The following CNIH3 variants were observed in gnomAD, a reference collection of about 807,000 sequenced individuals.
The protein encoded by CNIH3 is cornichon family AMPA receptor auxiliary protein 3, also known as protein cornichon homolog 3.
Under a neutral mutation model 24.1 loss-of-function variants are expected in CNIH3, and 14 were observed. That is an observed-to-expected ratio of 0.58 (90% CI 0.38 to 0.91). CNIH3 has a LOEUF of 0.91. Among genes scored for constraint, CNIH3 ranks in the 40% least tolerant of loss-of-function variants. CNIH3 has a pLI of 0.00. For missense variants in CNIH3, 178 were observed against 196.8 expected, an observed-to-expected ratio of 0.90 and a Z score of 0.57; for synonymous variants, 68 against 73.8, an observed-to-expected ratio of 0.92 and a Z score of 0.40.
At chr1:224,680,617 A>C (rs1686352587) in intron 1 of CNIH3, among the ~76,000 whole-genome samples, 1 of 152,242 alleles carries the variant, frequency 6.6e-6, no homozygotes, top group South Asian at 2.1e-4. Flanking sequence ...CCTGGAAGGA[A>C]AGGGGCTAAA....
chr1:224,495,201 G>T (rs915036917), intron 1 of CNIH3, among the ~76,000 whole-genome samples: 1 of 152,124 alleles, frequency 6.6e-6, no homozygotes, highest in Non-Finnish European at 1.5e-5. Context: ...CTCATGTAAG[G>T]ACTTGAGACT....
intron 1 of CNIH3, among the ~76,000 whole-genome samples, chr1:224,662,576 A>G (rs1200220593): frequency 1.3e-5 from 2 of 152,254 alleles, no homozygotes; most frequent in Admixed American, 1.3e-4. Context: ...CAACATGAAA[A>G]CATTTCTGTT....
At chr1:224,722,889 G>A (rs929491042) in intron 3 of CNIH3, among the ~76,000 whole-genome samples, 6 of 152,198 alleles carry the variant, frequency 3.9e-5, no homozygotes, top group Non-Finnish European at 7.3e-5. Context: ...TGTGAATTCC[G>A]ATGGAAGAAG....
At chr1:224,721,965 C>T (rs1250160923) in intron 3 of CNIH3, among the ~76,000 whole-genome samples, 2 of 152,172 alleles carry the variant, frequency 1.3e-5, no homozygotes, top group Non-Finnish European at 2.9e-5. Flanking sequence ...GGTGCTCTCC[C>T]ACGGGGTGGT....
rs377243916 is a variant in CNIH3, at chr1:224,561,612, C to T, written n.451-4587C>T. Among the ~76,000 whole-genome samples, 17 of 152,282 alleles carry T rather than the reference C, an allele frequency of 1.1e-4. No homozygotes were observed. In the East Asian group the frequency reaches 3.1e-3, roughly 28 times the overall value. Reference sequence around the variant, plus strand: ...CCTGGGCTTAGATACTACCCGTCAGCCAAACGAGACTTTCTTAGAACTGCA... The same window carrying T: ...CCTGGGCTTAGATACTACCCGTCAGTCAAACGAGACTTTCTTAGAACTGCA... On this transcript the variant is annotated intron_variant and non_coding_transcript_variant, in intron 3 of 5. Coordinates refer to the CNIH3 transcript ENST00000471578.
At chr1:224,671,109 ACT>A (rs1247380718) in intron 1 of CNIH3, among the ~76,000 whole-genome samples, 7 of 152,286 alleles carry the variant, frequency 4.6e-5, no homozygotes, top group African/African-American at 1.2e-4. Flanking sequence ...CTGCTGGCTG[ACT>A]CTGCAGAATT....
intron 1 of CNIH3, among the ~76,000 whole-genome samples, chr1:224,443,711 A>ATTTTTTT (rs56248229): frequency 0.11 from 16,556 of 148,248 alleles, 1,355 homozygotes; most frequent in Non-Finnish European, 0.17. Context: ...ATATATATAT[A>ATTTTTTT]TTTTTTTAGG....
At chr1:224,490,008 A>C (rs962312540) in intron 1 of CNIH3, among the ~76,000 whole-genome samples, 1 of 152,232 alleles carries the variant, frequency 6.6e-6, no homozygotes, top group Non-Finnish European at 1.5e-5. Flanking sequence ...AGATCATAGC[A>C]ATAGGTATGT....
chr1:224,647,661 C>A (rs1225991101), intron 1 of CNIH3, among the ~76,000 whole-genome samples: 1 of 152,204 alleles, frequency 6.6e-6, no homozygotes, highest in Non-Finnish European at 1.5e-5. Flanking sequence ...TGTGTGTTAA[C>A]CCCACTTCTA....
At chr1:224,553,582 G>A (rs1407636736) in intron 3 of CNIH3, among the ~76,000 whole-genome samples, 1 of 152,038 alleles carries the variant, frequency 6.6e-6, no homozygotes, top group Non-Finnish European at 1.5e-5. Context: ...GGCTGTTAGT[G>A]CCCTCTGCTT....
At chr1:224,614,684 C>T (rs771758709), upstream of CNIH3, among the ~76,000 whole-genome samples, 20 of 151,756 alleles carry the variant, frequency 1.3e-4, no homozygotes, top group Non-Finnish European at 2.5e-4. Context: ...AGCGGTGGCT[C>T]ACGCCTGTAA....
At chr1:224,636,013 C>A (rs1198196593) in intron 1 of CNIH3, among the ~76,000 whole-genome samples, 1 of 152,130 alleles carries the variant, frequency 6.6e-6, no homozygotes. Flanking sequence ...TTTTTTATAT[C>A]AAAATACCAA....
chr1:224,552,135 T>C (rs542431075), intron 3 of CNIH3, among the ~76,000 whole-genome samples: 1 of 151,558 alleles, frequency 6.6e-6, no homozygotes, highest in African/African-American at 2.4e-5. Flanking sequence ...CCCTTAGATA[T>C]TACAAATAAT....
intron 1 of CNIH3, among the ~76,000 whole-genome samples, chr1:224,498,109 T>A (rs1677507258): frequency 6.6e-6 from 1 of 152,228 alleles, no homozygotes; most frequent in South Asian, 2.1e-4. Flanking sequence ...CTGGGCATCC[T>A]GAAACCACCC....
intron 3 of CNIH3, among the ~76,000 whole-genome samples, chr1:224,710,337 C>T (rs746795563): frequency 1.3e-5 from 2 of 152,182 alleles, no homozygotes; most frequent in Non-Finnish European, 2.9e-5. Context: ...AGCTCAGACT[C>T]TCATTTCTTT....
At chr1:224,688,377 C>T (rs2125154115) in intron 3 of CNIH3, among the ~76,000 whole-genome samples, 1 of 152,298 alleles carries the variant, frequency 6.6e-6, no homozygotes, top group South Asian at 2.1e-4. Context: ...GCATGCAGGT[C>T]TGTCTCCTCT....
intron 4 of CNIH3, among the ~76,000 whole-genome samples, chr1:224,569,436 T>A (rs900159679): frequency 1.8e-4 from 28 of 152,192 alleles, no homozygotes; most frequent in African/African-American, 6.8e-4. Context: ...TGTGGATGAA[T>A]GTTTGCATTG....
intron 1 of CNIH3, among the ~76,000 whole-genome samples, chr1:224,447,068 A>G (rs1434256090): frequency 6.6e-6 from 1 of 152,182 alleles, no homozygotes; most frequent in Non-Finnish European, 1.5e-5. Flanking sequence ...GACAGAACCA[A>G]TAGGATAGAT....
At chr1:224,729,057 G>C (rs536603618) in intron 3 of CNIH3, among the ~76,000 whole-genome samples, 1 of 152,104 alleles carries the variant, frequency 6.6e-6, no homozygotes, top group Non-Finnish European at 1.5e-5. Context: ...ATGCTGTGGG[G>C]CCCAGAGGTA....
Sources: allele counts gnomAD v4.1 joint callset (sites outside exome capture counted in the v4.1 genomes callset), GRCh38; gene constraint gnomAD v4.1.1; transcripts MANE v1.5; gene names NCBI Gene and HGNC (gene_info 2026-07-23, HGNC 2026-07-21).